The following ARL8B variants were observed in gnomAD, a reference collection of about 807,000 sequenced individuals.
ARL8B encodes the protein ADP-ribosylation factor-like protein 8B.
In ARL8B, 9 loss-of-function variants were observed where a neutral mutation model predicts 30.6. The observed-to-expected ratio is 0.29, with a 90% CI of 0.18 to 0.51. ARL8B has a LOEUF of 0.51. Ranked by LOEUF, ARL8B falls within the 20% of genes least tolerant of loss-of-function variation. The pLI is 0.97. For synonymous variants in ARL8B, 74 were observed against 76.0 expected (o/e 0.97, Z 0.14); for missense variants, 130 against 227.2 (o/e 0.57, Z 2.75).
chr3:5,127,765 C>T (rs996223355), intron 1 of ARL8B, among the ~76,000 whole-genome samples: 57 of 148,968 alleles, frequency 3.8e-4, no homozygotes, highest in African/African-American at 1.2e-3. Flanking sequence ...CCCAGCTACT[C>T]GGGAGGCTGA....
intron 1 of ARL8B, among the ~76,000 whole-genome samples, chr3:5,132,725 A>G (rs905321482): frequency 6.6e-6 from 1 of 152,244 alleles, no homozygotes; most frequent in Non-Finnish European, 1.5e-5. Context: ...ACAGCAAAGT[A>G]TACCTACTCC....
intron 1 of ARL8B, among the ~76,000 whole-genome samples, chr3:5,132,165 G>A (rs527781640): frequency 1.3e-5 from 2 of 152,132 alleles, no homozygotes; most frequent in African/African-American, 4.8e-5. Flanking sequence ...GGGAGTACAG[G>A]CATGAGCCTG....
intron 1 of ARL8B, among the ~76,000 whole-genome samples, chr3:5,159,644 T>G (rs1346904125): frequency 6.7e-6 from 1 of 148,782 alleles, no homozygotes; most frequent in Non-Finnish European, 1.5e-5. Flanking sequence ...GAAAAAAGAC[T>G]GAAGGATTTT....
intron 1 of ARL8B, among the ~76,000 whole-genome samples, chr3:5,129,616 T>C (rs1478150492): frequency 6.6e-6 from 1 of 152,092 alleles, no homozygotes; most frequent in Admixed American, 6.5e-5. Flanking sequence ...TCATGGCTTA[T>C]TGCAGCCTCC....
At chr3:5,148,762 G>A (rs2054452159) in intron 1 of ARL8B, among the ~76,000 whole-genome samples, 1 of 152,116 alleles carries the variant, frequency 6.6e-6, no homozygotes, top group African/African-American at 2.4e-5. Flanking sequence ...CTTATGAATA[G>A]GGTCTTTGGG....
intron 6 of ARL8B, among the ~76,000 whole-genome samples, chr3:5,177,611 G>C (rs766322547): frequency 6.6e-6 from 1 of 151,748 alleles, no homozygotes; most frequent in African/African-American, 2.4e-5. Flanking sequence ...GCCCGCTGCC[G>C]TGCTCGGCTA....
intron 2 of ARL8B, among the ~76,000 whole-genome samples, chr3:5,171,839 A>G (rs2054679161): frequency 6.6e-6 from 1 of 152,266 alleles, no homozygotes; most frequent in African/African-American, 2.4e-5. Flanking sequence ...AATTGTTATC[A>G]TAAAGACATA....
chr3:5,130,332 C>T (rs1222929670), intron 1 of ARL8B, among the ~76,000 whole-genome samples: 15 of 151,742 alleles, frequency 9.9e-5, no homozygotes, highest in Admixed American at 9.9e-4. Flanking sequence ...CCCCTGAGAA[C>T]ATAGTTCTTT....
intron 1 of ARL8B, among the ~76,000 whole-genome samples, chr3:5,152,557 T>C (rs988134356): frequency 1.3e-5 from 2 of 152,356 alleles, no homozygotes; most frequent in Middle Eastern, 3.4e-3. Context: ...TGATCAAGGC[T>C]CACTGCCACC....
intron 1 of ARL8B, among the ~76,000 whole-genome samples, chr3:5,143,786 C>G (rs886999403): frequency 6.6e-6 from 1 of 152,188 alleles, no homozygotes; most frequent in African/African-American, 2.4e-5. Context: ...TAAGGGATGA[C>G]AGGGTAGAGG....
At chr3:5,168,111 T>G (rs1448036149) in intron 1 of ARL8B, among the ~76,000 whole-genome samples, 1 of 152,206 alleles carries the variant, frequency 6.6e-6, no homozygotes, top group African/African-American at 2.4e-5. Flanking sequence ...TGGAGTACAG[T>G]GGCACAATCT....
At chr3:5,151,956 C>T (rs2054488957) in intron 1 of ARL8B, among the ~76,000 whole-genome samples, 1 of 152,164 alleles carries the variant, frequency 6.6e-6, no homozygotes, top group Non-Finnish European at 1.5e-5. Context: ...TGAATCCTCC[C>T]ACCTTGGCCT....
chr3:5,168,696 T>A (rs1044600307), intron 1 of ARL8B, among the ~76,000 whole-genome samples: 5 of 152,240 alleles, frequency 3.3e-5, no homozygotes, highest in African/African-American at 4.8e-5. Flanking sequence ...TTTTCTTGTT[T>A]TGCAATAGAT....
At chr3:5,159,839 CA>C (rs1185674203) in intron 1 of ARL8B, among the ~76,000 whole-genome samples, 3 of 151,764 alleles carry the variant, frequency 2.0e-5, no homozygotes, top group Non-Finnish European at 4.4e-5. Flanking sequence ...TTTTAGTTCC[CA>C]AAATACCCAG....
rs777371699 is a variant in ARL8B at position 5,178,753 on chromosome 3, C to G, written c.*40C>G. ...TCTTCCAGTCCTTCTTGGCTATAAT[C>G]CTAGAATTATTGTCCGTTCCTCTGA... is the stretch of plus-strand genomic sequence containing the variant. On this transcript the variant is annotated 3_prime_UTR_variant, in exon 7 of 7. Coordinates refer to ENST00000256496, the MANE Select transcript of ARL8B (RefSeq NM_018184.3). 6.2e-7 allele frequency: 1 copy of G among 1,610,476 alleles called. No individual in the cohort carries two copies. The highest frequency in any genetic ancestry group is 8.5e-7 in the Non-Finnish European group (1 of 1,179,496).
At chr3:5,132,270 T>G (rs1183357373) in intron 1 of ARL8B, among the ~76,000 whole-genome samples, 2 of 152,124 alleles carry the variant, frequency 1.3e-5, no homozygotes, top group African/African-American at 4.8e-5. Flanking sequence ...TATTTTTTTT[T>G]TTGAGGCAGA....
At chr3:5,162,877 C>T (rs964782078) in intron 1 of ARL8B, among the ~76,000 whole-genome samples, 1 of 152,042 alleles carries the variant, frequency 6.6e-6, no homozygotes, top group Non-Finnish European at 1.5e-5. Flanking sequence ...ATAGTGAGCA[C>T]AGTACCCAAT....
intron 1 of ARL8B, among the ~76,000 whole-genome samples, chr3:5,160,949 G>A (rs140346158): frequency 1.6e-4 from 24 of 152,262 alleles, no homozygotes; most frequent in African/African-American, 5.5e-4. Context: ...TGTCCCCCAG[G>A]TGTCTGTCCT....
chr3:5,130,668 T>C (rs924579046), intron 1 of ARL8B, among the ~76,000 whole-genome samples: 1 of 151,846 alleles, frequency 6.6e-6, no homozygotes, highest in Non-Finnish European at 1.5e-5. Context: ...CCCCAGTAGC[T>C]GGGATTACAG....
Sources: gnomAD v4.1 joint callset for allele counts (sites outside exome capture counted in the v4.1 genomes callset) on GRCh38, gnomAD v4.1.1 for gene constraint, MANE v1.5 for transcripts, NCBI Gene and HGNC (gene_info 2026-07-23, HGNC 2026-07-21) for gene names.